GRIP1: variants seen among roughly 807,000 people sequenced by gnomAD.
GRIP1 encodes glutamate receptor interacting protein 1.
GRIP1 carries 45 observed loss-of-function variants against 129.9 expected under a neutral mutation model. The observed-to-expected ratio is 0.35, with a 90% CI of 0.27 to 0.44. The LOEUF is 0.44. GRIP1 is among the 20% of genes least tolerant of loss of function. The probability of loss-of-function intolerance (pLI) is 1.00; values close to 1 mark genes in which losing one functional copy is unlikely to be tolerated. For synonymous variants in GRIP1, 530 were observed against 520.8 expected (o/e 1.02, Z -0.24); for missense variants, 1,196 against 1,396.8 (o/e 0.86, Z 2.29).
chr12:66,720,619 T>C (rs1438656528), intron 1 of GRIP1, among the ~76,000 whole-genome samples: 1 of 152,220 alleles, frequency 6.6e-6, no homozygotes, highest in African/African-American at 2.4e-5. Context: ...ATTTCAACAA[T>C]GTTCACAGCA....
chr12:66,765,810 G>A (rs1267935951), intron 1 of GRIP1, among the ~76,000 whole-genome samples: 2 of 152,188 alleles, frequency 1.3e-5, no homozygotes, highest in Non-Finnish European at 2.9e-5. Context: ...CTCTATTTCA[G>A]TGAAAGAAAT....
chr12:66,995,305 T>G (rs2042451383), intron 1 of GRIP1, among the ~76,000 whole-genome samples: 1 of 151,776 alleles, frequency 6.6e-6, no homozygotes, highest in African/African-American at 2.4e-5. Context: ...TTATTAGATA[T>G]GACACCAAAA....
At chr12:66,408,206 C>T (rs1275642054) in intron 15 of GRIP1, among the ~76,000 whole-genome samples, 2 of 152,120 alleles carry the variant, frequency 1.3e-5, no homozygotes, top group African/African-American at 4.8e-5. Context: ...TGGCTGGGCG[C>T]GGTGGCTCAT....
At chr12:67,053,685 A>G (rs1342108060) in intron 1 of GRIP1, among the ~76,000 whole-genome samples, 2 of 151,858 alleles carry the variant, frequency 1.3e-5, no homozygotes, top group Non-Finnish European at 2.9e-5. Flanking sequence ...AAAAATACAA[A>G]AAATTAGCCA....
intron 1 of GRIP1, among the ~76,000 whole-genome samples, chr12:66,705,389 C>G (rs948224594): frequency 1.3e-5 from 2 of 151,992 alleles, no homozygotes; most frequent in African/African-American, 4.8e-5. Context: ...CAAACCACTG[C>G]CCAAGGAAAT....
At chr12:67,060,856 G>C (rs1426103297) in intron 1 of GRIP1, among the ~76,000 whole-genome samples, 1 of 147,200 alleles carries the variant, frequency 6.8e-6, no homozygotes, top group Non-Finnish European at 1.5e-5. Context: ...TGTGTTGGCA[G>C]TGGAGAGCTG....
chr12:66,486,999 C>T (rs1161858295), intron 7 of GRIP1, among the ~76,000 whole-genome samples: 1 of 152,078 alleles, frequency 6.6e-6, no homozygotes, highest in Admixed American at 6.6e-5. Context: ...CCATGTTGCC[C>T]AGGCTGGTCT....
At chr12:66,877,594 C>T (rs1367714100) in intron 1 of GRIP1, among the ~76,000 whole-genome samples, 1 of 152,102 alleles carries the variant, frequency 6.6e-6, no homozygotes, top group African/African-American at 2.4e-5. Flanking sequence ...TTACCTCTTA[C>T]TTAGCATTAT....
chr12:66,934,884 C>T (rs570990720), intron 1 of GRIP1, among the ~76,000 whole-genome samples: 1 of 152,312 alleles, frequency 6.6e-6, no homozygotes, highest in Non-Finnish European at 1.5e-5. Flanking sequence ...GAAAGAACTT[C>T]ATTAGCAAAG....
At chr12:66,998,485 G>A (rs182667437) in intron 1 of GRIP1, among the ~76,000 whole-genome samples, 2 of 151,816 alleles carry the variant, frequency 1.3e-5, no homozygotes, top group Admixed American at 1.3e-4. Context: ...TTAAATTCAC[G>A]ACCACAAATC....
At chr12:66,451,399 T>TGTTTG in intron 11 of GRIP1, among the ~76,000 whole-genome samples, 1 of 106,704 alleles carries the variant, frequency 9.4e-6, no homozygotes, top group Non-Finnish European at 1.9e-5. Context: ...TTTTTTTTTT[T>TGTTTG]TTTTTTTTTT....
intron 1 of GRIP1, among the ~76,000 whole-genome samples, chr12:66,969,617 A>G (rs180921682): frequency 7.0e-4 from 107 of 152,014 alleles, no homozygotes; most frequent in African/African-American, 2.4e-3. Flanking sequence ...GGGTCTCACT[A>G]TGTTGCCCAG....
At chr12:66,648,422 A>C (rs191260825) in intron 1 of GRIP1, among the ~76,000 whole-genome samples, 1 of 152,312 alleles carries the variant, frequency 6.6e-6, no homozygotes, top group Non-Finnish European at 1.5e-5. Context: ...CCAACAAAAT[A>C]AGGAATGGAT....
intron 14 of GRIP1, among the ~76,000 whole-genome samples, chr12:66,428,420 A>G (rs545878020): frequency 1.3e-5 from 2 of 152,212 alleles, no homozygotes; most frequent in Non-Finnish European, 2.9e-5. Context: ...TCATGATTTT[A>G]TAAGAAAATA....
At chr12:66,780,813 A>G (rs889358057) in intron 1 of GRIP1, among the ~76,000 whole-genome samples, 6 of 152,086 alleles carry the variant, frequency 3.9e-5, no homozygotes. Flanking sequence ...CTATCTTGGA[A>G]CCCAGCTGTC....
chr12:66,525,302 T>G (rs1462710057), intron 5 of GRIP1, among the ~76,000 whole-genome samples: 4 of 152,260 alleles, frequency 2.6e-5, no homozygotes, highest in Non-Finnish European at 5.9e-5. Context: ...GCAAACCAAA[T>G]CCAGCAGCAC....
intron 1 of GRIP1, among the ~76,000 whole-genome samples, chr12:66,917,568 TAAAG>T (rs1198857581): frequency 3.9e-5 from 6 of 152,362 alleles, no homozygotes; most frequent in South Asian, 2.1e-4. Context: ...AAACACAAGG[TAAAG>T]AAATAATTTC....
chr12:66,528,389 G>A (rs1190808811), intron 5 of GRIP1, among the ~76,000 whole-genome samples: 9 of 151,886 alleles, frequency 5.9e-5, no homozygotes, highest in Non-Finnish European at 8.8e-5. Context: ...TGCCTGCCTC[G>A]GCCTCCCAAA....
intron 19 of GRIP1, among the ~76,000 whole-genome samples, chr12:66,381,153 C>T (rs1427844154): frequency 6.6e-6 from 1 of 152,166 alleles, no homozygotes; most frequent in African/African-American, 2.4e-5. Context: ...ATGCCTACCA[C>T]CACATGATGG....
Sources: gnomAD v4.1 joint callset for allele counts (sites outside exome capture counted in the v4.1 genomes callset) on GRCh38, gnomAD v4.1.1 for gene constraint, MANE v1.5 for transcripts, NCBI Gene and HGNC (gene_info 2026-07-23, HGNC 2026-07-21) for gene names.